The following KCNK10 variants were observed in gnomAD, a reference collection of about 807,000 sequenced individuals.
The protein encoded by KCNK10 is potassium channel subfamily K member 10.
A neutral mutation model predicts 47.7 loss-of-function variants in KCNK10; 25 were observed. The ratio of observed to expected loss-of-function variants is 0.52; its 90% confidence interval spans 0.38 to 0.73. The LOEUF (loss-of-function observed/expected upper bound fraction) is 0.73. Among genes scored for constraint, KCNK10 ranks in the 30% least tolerant of loss-of-function variants. The pLI, the probability that KCNK10 is intolerant of heterozygous loss-of-function variation, is 0.00. For synonymous variants in KCNK10, 303 were observed against 285.6 expected (o/e 1.06, Z -0.61); for missense variants, 563 against 714.5 (o/e 0.79, Z 2.42).
At chr14:88,261,989 T>C (rs1887125626) in intron 2 of KCNK10, among the ~76,000 whole-genome samples, 1 of 152,226 alleles carries the variant, frequency 6.6e-6, no homozygotes, top group African/African-American at 2.4e-5. Flanking sequence ...ATGATTGCTA[T>C]GAAGGTGCCA....
At chr14:88,221,670 C>G (rs1016988000) in intron 4 of KCNK10, among the ~76,000 whole-genome samples, 3 of 152,172 alleles carry the variant, frequency 2.0e-5, no homozygotes, top group African/African-American at 7.2e-5. Flanking sequence ...CATATTCTTA[C>G]CATCCAATCC....
chr14:88,290,520 G>A (rs1436772786), intron 1 of KCNK10, among the ~76,000 whole-genome samples: 1 of 152,222 alleles, frequency 6.6e-6, no homozygotes, highest in Non-Finnish European at 1.5e-5. Flanking sequence ...GCCAGGCACT[G>A]TGTACATTTC....
At position 88,187,950 on chromosome 14, in the gene KCNK10, T is replaced by C; in HGVS notation, c.1011+17A>G. On this transcript the variant is annotated intron_variant, in intron 6 of 6. Transcript: ENST00000319231. ...TCTGTTCTCAGGAACATTCATAGGG[T>C]TAGGAAGGGGTCCTACCTCTTCTTT... is the stretch of plus-strand genomic sequence containing the variant. 1 of 1,613,270 alleles carries C rather than the reference T, an allele frequency of 6.2e-7. No homozygotes were observed. The highest frequency in any genetic ancestry group is 8.5e-7 in the Non-Finnish European group (1 of 1,179,496).
rs114989242 is a variant in KCNK10, at chr14:88,210,461, G to T, written c.681+16914C>A. On this transcript the variant is annotated intron_variant, in intron 4 of 6. Coordinates refer to ENST00000319231, the MANE Select transcript of KCNK10 (RefSeq NM_138317.3). The stretch of plus-strand genomic sequence containing the variant: ...AGCATGAAGGAACAGCCACAGTGAA[G>T]AACAGAAAAGTGAATCATGATTGGG... Among the ~76,000 whole-genome samples the T allele has an allele frequency of 5.0e-3, 760 of 152,342 alleles. 2 individuals are homozygous for T. Among genetic ancestry groups the T allele is most frequent in the African/African-American group, 0.017 (727 of 41,580 alleles).
chr14:88,285,506 C>A (rs1440533058), intron 1 of KCNK10, among the ~76,000 whole-genome samples: 1 of 152,152 alleles, frequency 6.6e-6, no homozygotes, highest in Non-Finnish European at 1.5e-5. Flanking sequence ...TTTGTCTTCA[C>A]CTTTTAGCAT....
In KCNK10 at chr14:88,227,487, A is replaced by G. The variant is rs1408055892; in HGVS notation, c.569T>C (p.Ile190Thr). The stretch of plus-strand genomic sequence containing the variant: ...TGGAATTCCAAAGATGGCATATAAA[A>G]TACAAAAGATTTTGCCTCCTTCAGT... ...PSTEGGKIFC[I>T]LYAIFGIPLF... The change falls in exon 4 of 7, where the codon ATT becomes ACT. Residue 190 changes from isoleucine (I) to threonine (T), a missense_variant. Transcript: ENST00000319231. 6.2e-7 allele frequency: 1 copy of G among 1,613,378 alleles called. No homozygotes were observed. The highest frequency in any genetic ancestry group is 1.1e-5 in the South Asian group (1 of 90,852).
intron 5 of KCNK10, among the ~76,000 whole-genome samples, chr14:88,191,969 T>C (rs761989175): frequency 1.3e-5 from 2 of 152,206 alleles, no homozygotes; most frequent in African/African-American, 4.8e-5. Context: ...TAGTCTTGCA[T>C]AATTTGTGTG....
At chr14:88,262,987 C>T (rs1887153030) in intron 2 of KCNK10, among the ~76,000 whole-genome samples, 1 of 152,230 alleles carries the variant, frequency 6.6e-6, no homozygotes, top group Admixed American at 6.5e-5. Flanking sequence ...TCATCCAAAA[C>T]CAGATGCAGA....
chr14:88,192,517 T>C, intron 4 of KCNK10, 107 bp from the exon 5 acceptor site: 2 of 929,128 alleles, frequency 2.2e-6, no homozygotes, highest in South Asian at 3.5e-5. Flanking sequence ...AACCTTTCTC[T>C]GGTCATTGGC....
intron 1 of KCNK10, among the ~76,000 whole-genome samples, chr14:88,297,472 C>T (rs903475064): frequency 6.6e-6 from 1 of 152,186 alleles, no homozygotes; most frequent in South Asian, 2.1e-4. Flanking sequence ...AAACATCTGG[C>T]AGCATTCTCA....
At chr14:88,190,701 A>G (rs566887983) in intron 5 of KCNK10, among the ~76,000 whole-genome samples, 22 of 144,962 alleles carry the variant, frequency 1.5e-4, no homozygotes, top group East Asian at 3.9e-4. Flanking sequence ...AAGGAAGGGG[A>G]AAAAAAACCC....
At chr14:88,288,246 T>A (rs1887808734) in intron 1 of KCNK10, among the ~76,000 whole-genome samples, 1 of 152,222 alleles carries the variant, frequency 6.6e-6, no homozygotes, top group African/African-American at 2.4e-5. Context: ...CACTTAGTTG[T>A]CCAATTAGCT....
At chr14:88,310,945 T>G (rs1490803798) in intron 1 of KCNK10, among the ~76,000 whole-genome samples, 3 of 152,176 alleles carry the variant, frequency 2.0e-5, no homozygotes, top group East Asian at 3.8e-4. Context: ...TCATCGACTC[T>G]AGATATGCAA....
intron 2 of KCNK10, 141 bp downstream of exon 2, chr14:88,263,061 C>G (rs1365572863): frequency 3.1e-6 from 2 of 655,478 alleles, no homozygotes; most frequent in Non-Finnish European, 5.1e-6. Context: ...GGTCTCAGCT[C>G]ACATGTCACC....
rs1884384819 is a variant in KCNK10 at position 88,182,058 on chromosome 14, A to G, written c.*3477T>C. ...CCCGCACACACACACACACACACAC[A>G]CACACACACACACACACACACACAC... On this transcript the variant is annotated 3_prime_UTR_variant, in exon 7 of 7. Coordinates refer to ENST00000319231, the MANE Select transcript of KCNK10 (RefSeq NM_138317.3). 1 of 154,234 alleles carries G rather than the reference A, an allele frequency of 6.5e-6. No individual in the cohort carries two copies. Among genetic ancestry groups the G allele is most frequent in the African/African-American group, 2.4e-5 (1 of 40,910 alleles). 9.6% of individuals were successfully genotyped at this position (154,234 alleles called of 1,614,324 possible). A position where few individuals can be genotyped will look rare whatever the true frequency, so the allele number is the denominator to read the frequency against.
chr14:88,200,879 C>T (rs1002519163), intron 4 of KCNK10, among the ~76,000 whole-genome samples: 2 of 152,144 alleles, frequency 1.3e-5, no homozygotes, highest in African/African-American at 2.4e-5. Context: ...ATAAATCAGA[C>T]GTGTTGTGAA....
At chr14:88,239,402 A>G (rs1162852185) in intron 3 of KCNK10, among the ~76,000 whole-genome samples, 1 of 152,256 alleles carries the variant, frequency 6.6e-6, no homozygotes, top group Non-Finnish European at 1.5e-5. Flanking sequence ...GGCAAATCAT[A>G]TAAGAGAAAC....
chr14:88,270,880 A>G (rs1043015669), intron 1 of KCNK10: 1 of 777,628 alleles, frequency 1.3e-6, no homozygotes, highest in South Asian at 1.3e-5. Context: ...CGCCACCAAC[A>G]TTCAGAGTAA....
At chr14:88,189,060 A>G (rs988219499) in intron 5 of KCNK10, among the ~76,000 whole-genome samples, 2 of 152,348 alleles carry the variant, frequency 1.3e-5, no homozygotes, top group Admixed American at 6.5e-5. Context: ...GACAGATACT[A>G]GCAATGGATT....
Sources: allele counts gnomAD v4.1 joint callset (sites outside exome capture counted in the v4.1 genomes callset), GRCh38; gene constraint gnomAD v4.1.1; transcripts MANE v1.5; gene names NCBI Gene and HGNC (gene_info 2026-07-23, HGNC 2026-07-21).